Variants in TEAD3 observed in about 807,000 individuals in gnomAD.
The protein encoded by TEAD3 is transcriptional enhancer factor TEF-5.
Under a neutral mutation model 55.6 loss-of-function variants are expected in TEAD3, and 15 were observed. That is an observed-to-expected ratio of 0.27 (90% CI 0.18 to 0.42). TEAD3 has a LOEUF of 0.42. Among genes scored for constraint, TEAD3 ranks in the 10% least tolerant of loss-of-function variants. TEAD3 has a pLI of 1.00. For synonymous variants in TEAD3, 210 were observed against 232.2 expected (o/e 0.90, Z 0.87); for missense variants, 407 against 576.8 (o/e 0.71, Z 3.01).
At chr6:35,492,858 T>A (rs1373871609) in intron 1 of TEAD3, among the ~76,000 whole-genome samples, 1 of 152,050 alleles carries the variant, frequency 6.6e-6, no homozygotes, top group African/African-American at 2.4e-5. Context: ...TTTCCAGACC[T>A]CCCTTCACCC....
chr6:35,487,630 C>T (rs182852711), intron 1 of TEAD3, among the ~76,000 whole-genome samples: 148 of 149,894 alleles, frequency 9.9e-4, no homozygotes, highest in Non-Finnish European at 1.7e-3. Flanking sequence ...GGCTGAGGCA[C>T]GAAGATCACT....
At chr6:35,474,710 G>T, downstream of TEAD3, 2 of 272,076 alleles carry the variant, frequency 7.4e-6, no homozygotes, top group East Asian at 9.9e-5. Context: ...GGGTGGGTGG[G>T]GGTACAGTGG....
intron 3 of TEAD3, among the ~76,000 whole-genome samples, chr6:35,482,607 C>G (rs1223987934): frequency 6.6e-6 from 1 of 152,160 alleles, no homozygotes; most frequent in Non-Finnish European, 1.5e-5. Context: ...CCACCCTGGC[C>G]TCAGTTCAAA....
intron 1 of TEAD3, among the ~76,000 whole-genome samples, chr6:35,493,779 G>A (rs1561809218): frequency 1.3e-5 from 2 of 152,194 alleles, no homozygotes; most frequent in Non-Finnish European, 2.9e-5. Flanking sequence ...ACGCGCCCGC[G>A]CGCTCACATA....
intron 3 of TEAD3, among the ~76,000 whole-genome samples, chr6:35,482,542 A>G (rs1768285531): frequency 6.6e-6 from 1 of 152,194 alleles, no homozygotes; most frequent in Non-Finnish European, 1.5e-5. Flanking sequence ...AGGCAGGAGC[A>G]GGTGTGATGG....
In TEAD3 at chr6:35,486,949, G is replaced by A. The variant is rs140109409; in HGVS notation, c.-49-238C>T. 2.0e-5 allele frequency among the ~76,000 whole-genome samples: 3 copies of A among 152,250 alleles called. No individual in the cohort carries two copies. Among genetic ancestry groups the A allele is most frequent in the Admixed American group, 1.3e-4 (2 of 15,298 alleles). On this transcript the variant is annotated intron_variant, in intron 1 of 12. Transcript: ENST00000639578. This position sits in a 1 kb window ranked among gnomAD's most constrained non-coding sequence, Gnocchi z 7.3. ...CCTCAGTCCTGTAAAACGAGAAAAG[G>A]GTCTCCTTGAGGAGACCTCCTTGAG...
chr6:35,497,078 T>G (rs1357904168), upstream of TEAD3: 5 of 132,718 alleles, frequency 3.8e-5, no homozygotes, highest in Non-Finnish European at 1.6e-5. Context: ...AAAGTTTGTG[T>G]TGAGGAGCCG....
Position 35,484,604 on chromosome 6 carries a change from G to A in TEAD3, c.223C>T (p.Arg75Cys), listed in dbSNP as rs1768334635. 3.1e-6 allele frequency: 5 copies of A among 1,603,772 alleles called. No homozygotes were observed. Among genetic ancestry groups the A allele is most frequent in the East Asian group, 2.2e-5 (1 of 44,594 alleles). ...TTCCCCGTCCTCAGTTTAATATAGC[G>A]TGCAATCAACTCATTTCGGCCTAGA... The change falls in exon 3 of 13, where the codon CGC (arginine) becomes TGC (cysteine). Residue 75 changes from arginine (R) to cysteine (C), a missense_variant. Arg to Cys is a radical substitution (Grantham distance 180, BLOSUM62 -3). Transcript: ENST00000639578. This position sits in a 1 kb window ranked among gnomAD's most constrained non-coding sequence, Gnocchi z 5.8.
At position 35,496,593 on chromosome 6, in the gene TEAD3, C is replaced by T. The variant is rs991627541; in HGVS notation, c.-50+305G>A. 6.6e-5 allele frequency among the ~76,000 whole-genome samples: 10 copies of T among 152,184 alleles called. No individual in the cohort carries two copies. Among genetic ancestry groups the T allele is most frequent in the Admixed American group, 6.5e-4 (10 of 15,286 alleles). ...TGCGGCCCCCGGATCCCCGCCCCGA[C>T]CCCCCAAGCACGGACGGCGGGACAG... On this transcript the variant is annotated intron_variant, in intron 1 of 12. Transcript: ENST00000639578. This position sits in a 1 kb window ranked among gnomAD's most constrained non-coding sequence, Gnocchi z 4.8.
exon 10 of TEAD3, chr6:35,476,016 A>C (rs753019626): frequency 1.3e-6 from 2 of 1,562,392 alleles, no homozygotes; most frequent in Non-Finnish European, 8.7e-7. Context: ...GATCTGGCGC[A>C]CATCTACTGC....
chr6:35,494,812 A>G (rs920724830), intron 1 of TEAD3, among the ~76,000 whole-genome samples: 2 of 151,844 alleles, frequency 1.3e-5, no homozygotes, highest in African/African-American at 4.8e-5. Flanking sequence ...AACAGAACCC[A>G]TGACCACTTC....
intron 5 of TEAD3, among the ~76,000 whole-genome samples, chr6:35,478,929 G>A (rs933326084): frequency 1.8e-4 from 25 of 140,132 alleles, no homozygotes; most frequent in Non-Finnish European, 3.2e-4. Flanking sequence ...ACCCAGGCTA[G>A]AGTGCAGCGG....
chr6:35,480,126 TAGAG>T (rs1581723769), intron 3 of TEAD3, 182 bp downstream of exon 4: 3 of 1,545,012 alleles, frequency 1.9e-6, no homozygotes, highest in Non-Finnish European at 2.6e-6. Flanking sequence ...TAGAGACCTG[TAGAG>T]AGAGAAAGAA....
At chr6:35,482,362 C>G (rs57488933) in intron 3 of TEAD3, among the ~76,000 whole-genome samples, 1 of 152,154 alleles carries the variant, frequency 6.6e-6, no homozygotes, top group African/African-American at 2.4e-5. Context: ...GAGGACAGAT[C>G]CCCTTTCACT....
intron 1 of TEAD3, among the ~76,000 whole-genome samples, chr6:35,493,108 C>T (rs1386379374): frequency 1.3e-5 from 2 of 152,152 alleles, no homozygotes; most frequent in African/African-American, 4.8e-5. Flanking sequence ...TCCTCTCGCT[C>T]GCATACACAG....
chr6:35,479,299 A>G lies in TEAD3; in HGVS notation c.342+6T>C, dbSNP rs376146058. On this transcript the variant is annotated splice_donor_region_variant and intron_variant, in intron 5 of 12. Transcript: ENST00000639578. ...CACTCCCACTGGGGAGGGCTGTGCT[A>G]CTTACCAGGTTCATGGCCTGTGAGG... 69 of 1,613,816 alleles carry G rather than the reference A, an allele frequency of 4.3e-5. No homozygotes were observed. Among genetic ancestry groups the G allele is most frequent in the Non-Finnish European group, 5.7e-5 (67 of 1,179,838 alleles).
rs542976494 is a variant in TEAD3 at position 35,475,265 on chromosome 6, C to T, written c.1194+71G>A. 98 of 1,604,442 alleles carry T rather than the reference C, an allele frequency of 6.1e-5. No homozygotes were observed. In the African/African-American group the frequency reaches 1.0e-3, roughly 16 times the overall value. The stretch of plus-strand genomic sequence containing the variant: ...TCCGGATCTATGCCTCTCAGCCAAG[C>T]GATGTGTCTGGCTACCCAACTTGGA... On this transcript the variant is annotated intron_variant, in intron 12 of 12. Coordinates refer to ENST00000639578, the Ensembl canonical transcript of TEAD3. The surrounding 1 kb of genome is among the most constrained non-coding windows in gnomAD (Gnocchi z 5.4).
chr6:35,483,845 C>A lies in TEAD3; in HGVS notation c.267+715G>T, dbSNP rs1385575407. Among the ~76,000 whole-genome samples, 1 of 151,784 alleles carries A rather than the reference C, an allele frequency of 6.6e-6. No homozygotes were observed. The highest frequency in any genetic ancestry group is 1.5e-5 in the Non-Finnish European group (1 of 67,928). On this transcript the variant is annotated intron_variant, in intron 3 of 12. Transcript: ENST00000639578. The surrounding 1 kb of genome is among the most constrained non-coding windows in gnomAD (Gnocchi z 4.5). ...CTGCCTGGGGGGCTTGAAGAAGTTA[C>A]TTAACTTCCCTATGCATCAGTTTCC...
In TEAD3 at chr6:35,486,565, C is replaced by T; in HGVS notation, c.98G>A (p.Gly33Asp). Residue 33 changes from glycine (G) to aspartate (D), a missense_variant, in exon 2 of 13, where the codon GGC becomes GAC. Gly to Asp is a moderately conservative substitution (Grantham distance 94, BLOSUM62 -1). Transcript: ENST00000639578. This position sits in a 1 kb window ranked among gnomAD's most constrained non-coding sequence, Gnocchi z 7.3. The stretch of plus-strand genomic sequence containing the variant: ...CTGCTCGATGTCCGGGCTCCACACG[C>T]CCTCCGCATCGTTGTCCAGCCCCTT... 1 of 1,613,514 alleles carries T rather than the reference C, an allele frequency of 6.2e-7. No individual in the cohort carries two copies. Among genetic ancestry groups the T allele is most frequent in the East Asian group, 2.2e-5 (1 of 44,888 alleles).
Sources: allele counts gnomAD v4.1 joint callset (sites outside exome capture counted in the v4.1 genomes callset), GRCh38; gene constraint gnomAD v4.1.1; non-coding constraint Gnocchi (gnomAD v3.1); transcripts MANE v1.5; gene names NCBI Gene and HGNC (gene_info 2026-07-23, HGNC 2026-07-21).